The following FBRSL1 variants were observed in gnomAD, a reference collection of about 807,000 sequenced individuals.
The protein encoded by FBRSL1 is fibrosin like 1.
FBRSL1 carries 51 observed loss-of-function variants against 89.6 expected under a neutral mutation model. The ratio of observed to expected loss-of-function variants is 0.57; its 90% confidence interval spans 0.45 to 0.72. FBRSL1 has a LOEUF of 0.72. FBRSL1 is among the 30% of genes least tolerant of loss of function. FBRSL1 has a pLI of 0.00. For missense variants in FBRSL1, 1,618 were observed against 1,451.8 expected, an observed-to-expected ratio of 1.11 and a Z score of -1.86; for synonymous variants, 779 against 681.1, an observed-to-expected ratio of 1.14 and a Z score of -2.24.
At chr12:132,497,723 G>C (rs542754159) in intron 1 of FBRSL1, among the ~76,000 whole-genome samples, 1 of 152,312 alleles carries the variant, frequency 6.6e-6, no homozygotes, top group African/African-American at 2.4e-5. Context: ...CACCTGCTGA[G>C]GCAACCCCGG....
At chr12:132,548,448 A>C (rs12814870) in intron 5 of FBRSL1, among the ~76,000 whole-genome samples, 114,739 of 152,134 alleles carry the variant, frequency 0.75, 43,981 homozygotes, top group African/African-American at 0.91. Flanking sequence ...AACCCGGTGG[A>C]CCCCAGAACC....
At chr12:132,494,289 G>A (rs1439400515) in intron 1 of FBRSL1, among the ~76,000 whole-genome samples, 2 of 152,194 alleles carry the variant, frequency 1.3e-5, no homozygotes, top group East Asian at 1.9e-4. Flanking sequence ...GTGGCCATAC[G>A]TGCCTGGTCA....
At position 132,508,166 on chromosome 12, in the gene FBRSL1, T is replaced by C; in HGVS notation, c.305T>C (p.Leu102Pro). The change falls in exon 2 of 19, where the codon CTG (leucine) becomes CCG (proline). Residue 102 changes from leucine (L) to proline (P), a missense_variant. By Grantham distance (98) the Leu-to-Pro change is moderately conservative. Coordinates refer to ENST00000680143, the MANE Select transcript of FBRSL1 (RefSeq NM_001367871.1). The part of the protein sequence containing the change: ...TLEALEKDMA[L>P]KPHERKEKWE... ...GTCTCCCTGCAGAAGGATATGGCCCTGAAGCCACATGAGCGGAAGGAGAAG... is the reference window on the plus strand; with the variant it reads ...GTCTCCCTGCAGAAGGATATGGCCCCGAAGCCACATGAGCGGAAGGAGAAG... 6.4e-7 allele frequency: 1 copy of C among 1,551,094 alleles called. No individual in the cohort carries two copies. The highest frequency in any genetic ancestry group is 8.7e-7 in the Non-Finnish European group (1 of 1,146,900).
Position 132,508,162 on chromosome 12 carries a change from G to T in FBRSL1, c.301G>T (p.Ala101Ser), listed in dbSNP as rs1159159698. 7.7e-6 allele frequency: 12 copies of T among 1,551,100 alleles called. No individual in the cohort carries two copies. The highest frequency in any genetic ancestry group is 3.9e-5 in the Admixed American group (2 of 51,002). The change falls in exon 2 of 19, where the codon GCC (alanine) becomes TCC (serine). Residue 101 changes from alanine to serine, a missense_variant. Ala to Ser is a moderately conservative substitution (Grantham distance 99, BLOSUM62 1). Coordinates refer to ENST00000680143, the MANE Select transcript of FBRSL1 (RefSeq NM_001367871.1). ...STLEALEKDM[A>S]LKPHERKEKW... ...CCCTGTCTCCCTGCAGAAGGATATG[G>T]CCCTGAAGCCACATGAGCGGAAGGA...
chr12:132,551,954 G>A (rs900580556), intron 5 of FBRSL1: 38 of 288,680 alleles, frequency 1.3e-4, no homozygotes, highest in Non-Finnish European at 2.1e-4. Context: ...TGTCTGGCCC[G>A]TCTGTGGAAG....
Position 132,583,923 on chromosome 12 carries a change from C to A in FBRSL1, c.*145C>A. 1 of 328,784 alleles carries A rather than the reference C, an allele frequency of 3.0e-6. No individual in the cohort carries two copies. Among genetic ancestry groups the A allele is most frequent in the Non-Finnish European group, 5.2e-6 (1 of 193,104 alleles). The allele number at this position is 328,784 out of a possible 1,614,324, so 20.4% of individuals were successfully genotyped here. On this transcript the variant is annotated 3_prime_UTR_variant, in exon 19 of 19. Coordinates refer to ENST00000680143, the MANE Select transcript of FBRSL1 (RefSeq NM_001367871.1). Reference sequence around the variant, plus strand: ...CCTGCGGAGGCGGGGACTTGGGTGTCGGCTTTTCTGAGGGTGATCTTTTGT... The same window carrying A: ...CCTGCGGAGGCGGGGACTTGGGTGTAGGCTTTTCTGAGGGTGATCTTTTGT...
intron 5 of FBRSL1, among the ~76,000 whole-genome samples, chr12:132,559,344 A>G (rs886127242): frequency 6.6e-6 from 1 of 152,334 alleles, no homozygotes; most frequent in Non-Finnish European, 1.5e-5. Context: ...GGGTGGGGGA[A>G]GGGCTCCTCC....
chr12:132,528,052 C>A, intron 4 of FBRSL1, 64 bp downstream of exon 4: 2 of 1,435,080 alleles, frequency 1.4e-6, no homozygotes, highest in Non-Finnish European at 9.6e-7. Context: ...AGGTCCCCAC[C>A]TCACCTGTCC....
intron 4 of FBRSL1, among the ~76,000 whole-genome samples, chr12:132,542,176 G>A (rs918413349): frequency 2.0e-5 from 3 of 152,226 alleles, no homozygotes; most frequent in African/African-American, 4.8e-5. Context: ...ACTGGCACAC[G>A]CAGGACGCGC....
chr12:132,560,008 C>A (rs368811993), intron 5 of FBRSL1: 2 of 148,686 alleles, frequency 1.3e-5, no homozygotes, highest in Non-Finnish European at 3.0e-5. Flanking sequence ...CCGCGCCCGA[C>A]GTCCGCCCGG....
chr12:132,512,696 G>C (rs144203992), intron 2 of FBRSL1, among the ~76,000 whole-genome samples: 2,413 of 152,334 alleles, frequency 0.016, 75 homozygotes, highest in African/African-American at 0.054. Context: ...AGGCCTGAAC[G>C]GGCTGAGGGA....
intron 3 of FBRSL1, among the ~76,000 whole-genome samples, chr12:132,527,405 G>A (rs1012971628): frequency 6.6e-6 from 1 of 152,222 alleles, no homozygotes. Context: ...CTGCTGCAGG[G>A]GAGCCTCAGA....
chr12:132,490,486 G>C lies in FBRSL1; in HGVS notation c.-85G>C. The C allele has an allele frequency of 1.1e-6, 1 of 914,074 alleles. No homozygotes were observed. The highest frequency in any genetic ancestry group is 1.3e-6 in the Non-Finnish European group (1 of 769,162). 56.6% of individuals were successfully genotyped at this position (914,074 alleles called of 1,614,324 possible). ...CGCGCGGCGCACACTCAGCCCGGCG[G>C]CGCCGCGTAGCCGAGGGAGCCCGCC... On this transcript the variant is annotated 5_prime_UTR_variant, in exon 1 of 19. Coordinates refer to ENST00000680143, the MANE Select transcript of FBRSL1 (RefSeq NM_001367871.1).
At chr12:132,506,327 C>T (rs577701527) in intron 1 of FBRSL1, among the ~76,000 whole-genome samples, 3 of 152,306 alleles carry the variant, frequency 2.0e-5, no homozygotes, top group South Asian at 2.1e-4. Flanking sequence ...AAACAATTTG[C>T]CCTTGACACA....
In FBRSL1 at chr12:132,582,240, G is replaced by A. The variant is rs546866664; in HGVS notation, c.2175G>A (p.Pro725=). The change falls in exon 18 of 19, where the codon CCG becomes CCA. Residue 725 remains proline, a synonymous_variant. Coordinates refer to ENST00000680143, the MANE Select transcript of FBRSL1 (RefSeq NM_001367871.1). ...CCCTGACCAACCATGACCGAGAGCC[G>A]GACAATGGCAAGGAGGAGCAGGAAC... The part of the protein sequence containing the change: ...VSALTNHDRE[P]DNGKEEQERD... 3.2e-6 allele frequency: 5 copies of A among 1,550,156 alleles called. No homozygotes were observed. The highest frequency in any genetic ancestry group is 4.9e-5 in the East Asian group (2 of 40,898).
intron 5 of FBRSL1, among the ~76,000 whole-genome samples, 175 bp from the exon 6 acceptor site, chr12:132,567,306 C>T (rs963100730): frequency 6.6e-6 from 1 of 152,228 alleles, no homozygotes; most frequent in Non-Finnish European, 1.5e-5. Context: ...CATGTATACA[C>T]ATGCGTGGAG....
chr12:132,568,165 G>A (rs1282294610), intron 6 of FBRSL1, among the ~76,000 whole-genome samples: 7 of 152,220 alleles, frequency 4.6e-5, no homozygotes, highest in South Asian at 4.1e-4. Context: ...CCTCCCTGGC[G>A]CTGGGATCCT....
At chr12:132,547,132 G>T (rs2037756531) in intron 4 of FBRSL1, among the ~76,000 whole-genome samples, 7 of 152,176 alleles carry the variant, frequency 4.6e-5, no homozygotes, top group Admixed American at 4.6e-4. Flanking sequence ...TCTTCGTAGA[G>T]CTCTGCTTAC....
intron 6 of FBRSL1, among the ~76,000 whole-genome samples, chr12:132,567,980 G>A (rs958223334): frequency 3.9e-5 from 6 of 152,222 alleles, no homozygotes; most frequent in African/African-American, 1.4e-4. Context: ...CCAGGCCTTC[G>A]AAACCTGTGG....
Sources: gnomAD v4.1 joint callset for allele counts (sites outside exome capture counted in the v4.1 genomes callset) on GRCh38, gnomAD v4.1.1 for gene constraint, MANE v1.5 for transcripts, NCBI Gene and HGNC (gene_info 2026-07-23, HGNC 2026-07-21) for gene names.